Variants in UGT1A8 observed in about 807,000 individuals in gnomAD.
UGT1A8 encodes the protein UDP-glucuronosyltransferase 1A8.
A neutral mutation model predicts 45.3 loss-of-function variants in UGT1A8; 39 were observed. The observed-to-expected ratio is 0.86, with a 90% CI of 0.67 to 1.12. UGT1A8 has a LOEUF of 1.12. UGT1A8 is among the 50% of genes most tolerant of loss of function. The probability of loss-of-function intolerance (pLI) is 0.00; values close to 1 mark genes in which losing one functional copy is unlikely to be tolerated. For missense variants in UGT1A8, 719 were observed against 664.9 expected (o/e 1.08, Z -0.90); for synonymous variants, 275 against 249.2 (o/e 1.10, Z -0.97).
intron 1 of UGT1A8, among the ~76,000 whole-genome samples, chr2:233,704,354 C>T (rs11683974): frequency 0.019 from 2,858 of 147,810 alleles, 31 homozygotes; most frequent in Non-Finnish European, 0.03. Flanking sequence ...GTGTTCTGAG[C>T]GGTTGTTCTA....
chr2:233,682,663 T>C (rs1271969942), intron 1 of UGT1A8: 8 of 1,613,786 alleles, frequency 5.0e-6, no homozygotes, highest in East Asian at 2.2e-5. Context: ...TCACGGCATA[T>C]GATCTCTACA....
chr2:233,771,304 C>T (rs1274088915), intron 4 of UGT1A8: 1 of 152,118 alleles, frequency 6.6e-6, no homozygotes, highest in Non-Finnish European at 1.5e-5. Flanking sequence ...CTTCCTCCTC[C>T]TTTTCCCTCT....
At chr2:233,619,197 T>C (rs2072954883) in intron 1 of UGT1A8, among the ~76,000 whole-genome samples, 2 of 152,198 alleles carry the variant, frequency 1.3e-5, no homozygotes. Flanking sequence ...GCTGGACATA[T>C]TCTTCTTTAC....
chr2:233,671,067 G>T (rs904842573), intron 1 of UGT1A8, among the ~76,000 whole-genome samples: 5 of 152,164 alleles, frequency 3.3e-5, no homozygotes, highest in Non-Finnish European at 5.9e-5. Flanking sequence ...TGTGAAAGGA[G>T]GGTGAAAACA....
chr2:233,698,180 T>C (rs973918936), intron 1 of UGT1A8, among the ~76,000 whole-genome samples: 1 of 152,196 alleles, frequency 6.6e-6, no homozygotes, highest in Non-Finnish European at 1.5e-5. Context: ...TTCTGTATTA[T>C]GATATGTAAT....
At chr2:233,658,238 C>T (rs554172250) in intron 1 of UGT1A8, among the ~76,000 whole-genome samples, 1 of 152,242 alleles carries the variant, frequency 6.6e-6, no homozygotes, top group East Asian at 1.9e-4. Flanking sequence ...AGGCTGGCCT[C>T]AAACTCCTGA....
At chr2:233,713,228 G>T (rs200357281) in intron 1 of UGT1A8, 1 of 1,614,210 alleles carries the variant, frequency 6.2e-7, no homozygotes, top group Admixed American at 1.7e-5. Context: ...CCCTGACAAC[G>T]TATGCCATTT....
chr2:233,692,059 G>A (rs2075075325), intron 1 of UGT1A8: 1 of 152,180 alleles, frequency 6.6e-6, no homozygotes, highest in Non-Finnish European at 1.5e-5. Context: ...CGATTAGAGG[G>A]AAGAAAGGAG....
intron 2 of UGT1A8, among the ~76,000 whole-genome samples, chr2:233,767,480 G>T (rs1699402121): frequency 6.6e-6 from 1 of 152,144 alleles, no homozygotes; most frequent in South Asian, 2.1e-4. Flanking sequence ...ATATTAAATA[G>T]AAGTATTTCT....
chr2:233,702,619 T>A (rs1302188822), intron 1 of UGT1A8, among the ~76,000 whole-genome samples: 2 of 152,160 alleles, frequency 1.3e-5, no homozygotes, highest in Non-Finnish European at 2.9e-5. Flanking sequence ...CCCCACATTA[T>A]GAGATTGAGG....
chr2:233,697,894 A>G (rs936448403), intron 1 of UGT1A8, among the ~76,000 whole-genome samples: 4 of 152,240 alleles, frequency 2.6e-5, no homozygotes, highest in African/African-American at 9.6e-5. Context: ...TGATTGAATC[A>G]AATCTATTGA....
intron 1 of UGT1A8, among the ~76,000 whole-genome samples, chr2:233,690,289 G>A (rs1485479711): frequency 6.6e-6 from 1 of 152,136 alleles, no homozygotes; most frequent in Non-Finnish European, 1.5e-5. Flanking sequence ...AATCTTGCAG[G>A]TGGGTCCTGG....
chr2:233,734,422 T>C (rs1373952853), intron 1 of UGT1A8, among the ~76,000 whole-genome samples: 3 of 152,176 alleles, frequency 2.0e-5, no homozygotes, highest in Non-Finnish European at 4.4e-5. Context: ...TCTTTTCTTC[T>C]TTATTAGTCT....
intron 1 of UGT1A8, among the ~76,000 whole-genome samples, chr2:233,751,100 G>A (rs895970679): frequency 2.6e-5 from 4 of 151,920 alleles, no homozygotes; most frequent in African/African-American, 9.7e-5. Context: ...GGAGGGCTTT[G>A]CCCTGCAAGC....
intron 1 of UGT1A8, among the ~76,000 whole-genome samples, chr2:233,752,736 C>A (rs1332947715): frequency 1.3e-5 from 2 of 152,164 alleles, no homozygotes; most frequent in African/African-American, 4.8e-5. Flanking sequence ...CAGAGAGAGA[C>A]CCTGTCTCTA....
chr2:233,693,465 C>A, intron 1 of UGT1A8: 4 of 1,614,070 alleles, frequency 2.5e-6, no homozygotes, highest in Non-Finnish European at 3.4e-6. Context: ...CCAGCCTTAC[C>A]CTGTGGGGTG....
At chr2:233,659,920 T>C (rs1039066421) in intron 1 of UGT1A8, among the ~76,000 whole-genome samples, 1 of 152,214 alleles carries the variant, frequency 6.6e-6, no homozygotes, top group Non-Finnish European at 1.5e-5. Flanking sequence ...TGGTACTGAT[T>C]CAAAAGCACT....
chr2:233,689,192 G>C (rs1014208680), intron 1 of UGT1A8, among the ~76,000 whole-genome samples: 1 of 152,176 alleles, frequency 6.6e-6, no homozygotes, highest in Admixed American at 6.5e-5. Context: ...CCCTGGAACT[G>C]TCTGGCTGGG....
chr2:233,754,988 A>G (rs756949361), intron 1 of UGT1A8: 25 of 1,295,926 alleles, frequency 1.9e-5, no homozygotes, highest in African/African-American at 1.2e-4. Flanking sequence ...CGGCGGGGTC[A>G]CGGAAGCTGA....
Sources: gnomAD v4.1 joint callset for allele counts (sites outside exome capture counted in the v4.1 genomes callset) on GRCh38, gnomAD v4.1.1 for gene constraint, MANE v1.5 for transcripts, NCBI Gene and HGNC (gene_info 2026-07-23, HGNC 2026-07-21) for gene names.